TENM2: variants seen among roughly 807,000 people sequenced by gnomAD.
The protein encoded by TENM2 is teneurin transmembrane protein 2, also known as teneurin-2.
In TENM2, 52 loss-of-function variants were observed where a neutral mutation model predicts 245.2. That is an observed-to-expected ratio of 0.21 (90% CI 0.17 to 0.27). TENM2 has a LOEUF of 0.27. Ranked by LOEUF, TENM2 falls within the 10% of genes least tolerant of loss-of-function variation. The pLI, the probability that TENM2 is intolerant of heterozygous loss-of-function variation, is 1.00. For missense variants in TENM2, 3,046 were observed against 3,666.8 expected (o/e 0.83, Z 4.37); for synonymous variants, 1,363 against 1,438.9 (o/e 0.95, Z 1.19).
At chr5:167,790,361 T>C (rs991075267) in intron 2 of TENM2, among the ~76,000 whole-genome samples, 3 of 152,160 alleles carry the variant, frequency 2.0e-5, no homozygotes, top group Admixed American at 2.0e-4. Context: ...AAAAGGAACA[T>C]GCCCACTGAA....
At chr5:167,060,058 A>G in the TENM2 span, among the ~76,000 whole-genome samples, 1 of 152,158 alleles carries the variant, frequency 6.6e-6, no homozygotes, top group Non-Finnish European at 1.5e-5. Flanking sequence ...TAATTCATAA[A>G]TTAAAAACTT....
intron 3 of TENM2, among the ~76,000 whole-genome samples, chr5:167,903,257 G>C (rs1273047103): frequency 6.6e-6 from 1 of 152,072 alleles, no homozygotes; most frequent in African/African-American, 2.4e-5. Flanking sequence ...ACTGTTATAA[G>C]CATTGTGAGC....
chr5:167,365,994 GAACTT>G (rs1179940094), intron 1 of TENM2, among the ~76,000 whole-genome samples: 1 of 151,318 alleles, frequency 6.6e-6, no homozygotes, highest in Non-Finnish European at 1.5e-5. Context: ...ACAATTGAAT[GAACTT>G]AAAGAAAGAA....
intron 2 of TENM2, among the ~76,000 whole-genome samples, chr5:167,600,619 C>T (rs1017464015): frequency 6.6e-6 from 1 of 152,174 alleles, no homozygotes; most frequent in Non-Finnish European, 1.5e-5. Context: ...ATTATCAAGG[C>T]AGACATAATG....
Position 167,678,691 on chromosome 5 carries a change from A to G in TENM2, c.503-197295A>G, listed in dbSNP as rs189619663. Among the ~76,000 whole-genome samples, 19 of 152,234 alleles carry G rather than the reference A, an allele frequency of 1.2e-4. No homozygotes were observed. In the East Asian group the frequency reaches 2.9e-3, roughly 23 times the overall value. On this transcript the variant is annotated intron_variant, in intron 2 of 28. Transcript: ENST00000518659. ...TGTGGCTGAGTGAAAGTAAAAAAAGAAGAAACCCTTGGTGCCAATCAGGCC... is the reference window on the plus strand; with the variant it reads ...TGTGGCTGAGTGAAAGTAAAAAAAGGAGAAACCCTTGGTGCCAATCAGGCC...
At chr5:167,398,365 C>CTTTCTTCCTTTCTTT (rs1554144597) in intron 2 of TENM2, among the ~76,000 whole-genome samples, 1 of 143,902 alleles carries the variant, frequency 6.9e-6, no homozygotes, top group Admixed American at 7.0e-5. Flanking sequence ...TTCTTTCTTT[C>CTTTCTTCCTTTCTTT]CTTTCTTTCT....
At chr5:167,094,759 T>C in the TENM2 span, among the ~76,000 whole-genome samples, 5 of 152,318 alleles carry the variant, frequency 3.3e-5, no homozygotes, top group South Asian at 1.0e-3. Context: ...GCTGGGAAAG[T>C]CTTTGCAACT....
chr5:167,104,744 G>C, the TENM2 span, among the ~76,000 whole-genome samples: 776 of 152,188 alleles, frequency 5.1e-3, 8 homozygotes, highest in African/African-American at 0.017. Flanking sequence ...ATATACCTTG[G>C]CTAGAATCCA....
At chr5:167,370,416 A>G (rs909698078) in intron 1 of TENM2, among the ~76,000 whole-genome samples, 10 of 151,968 alleles carry the variant, frequency 6.6e-5, no homozygotes, top group Admixed American at 2.6e-4. Flanking sequence ...ACGATCAAGA[A>G]AAGACAATTT....
chr5:167,658,773 G>A (rs1432187891), intron 2 of TENM2, among the ~76,000 whole-genome samples: 2 of 152,134 alleles, frequency 1.3e-5, no homozygotes, highest in Non-Finnish European at 2.9e-5. Flanking sequence ...TGTTTGGAAT[G>A]GCCTGTATTC....
intron 2 of TENM2, among the ~76,000 whole-genome samples, chr5:167,642,140 CA>C (rs34089047): frequency 0.051 from 6,595 of 129,982 alleles, 446 homozygotes; most frequent in African/African-American, 0.17. Flanking sequence ...GACGCTGTCT[CA>C]AAAAAAAAAA....
the TENM2 span, among the ~76,000 whole-genome samples, chr5:167,164,468 C>G: frequency 6.6e-6 from 1 of 152,078 alleles, no homozygotes; most frequent in Non-Finnish European, 1.5e-5. Flanking sequence ...CTAAAATTTC[C>G]TATTGTTTTG....
At chr5:167,504,788 G>C (rs1297778789) in intron 2 of TENM2, among the ~76,000 whole-genome samples, 1 of 152,158 alleles carries the variant, frequency 6.6e-6, no homozygotes, top group Non-Finnish European at 1.5e-5. Context: ...AGTATAGAAT[G>C]TCTTCCAAAA....
At chr5:167,472,571 C>T (rs542271427) in intron 2 of TENM2, among the ~76,000 whole-genome samples, 2 of 152,208 alleles carry the variant, frequency 1.3e-5, no homozygotes, top group Non-Finnish European at 1.5e-5. Context: ...AAAGGTCTTG[C>T]CTTGGTTGCC....
intron 12 of TENM2, among the ~76,000 whole-genome samples, chr5:168,141,188 T>C (rs867470346): frequency 6.6e-6 from 1 of 152,186 alleles, no homozygotes; most frequent in Non-Finnish European, 1.5e-5. Context: ...GTTGATCTTT[T>C]TCCCAGGACA....
chr5:167,957,862 T>G (rs1780684682), intron 4 of TENM2, among the ~76,000 whole-genome samples: 1 of 152,234 alleles, frequency 6.6e-6, no homozygotes, highest in Admixed American at 6.5e-5. Context: ...TTTCCATTCT[T>G]TTGCATTTGC....
the TENM2 span, among the ~76,000 whole-genome samples, chr5:167,222,912 T>C: frequency 3.9e-5 from 6 of 152,188 alleles, no homozygotes; most frequent in African/African-American, 1.2e-4. Flanking sequence ...GTCCTTTCTA[T>C]GTGCATGCCA....
At chr5:167,605,865 A>C (rs1197201029) in intron 2 of TENM2, among the ~76,000 whole-genome samples, 1 of 152,186 alleles carries the variant, frequency 6.6e-6, no homozygotes, top group African/African-American at 2.4e-5. Context: ...GCTTTTAAAA[A>C]ATATGCATAT....
At position 168,199,089 on chromosome 5, in the gene TENM2, A is replaced by G; in HGVS notation, c.3137A>G (p.Gln1046Arg). The change falls in exon 16 of 29, where the codon CAG (glutamine) becomes CGG (arginine). Residue 1046 changes from glutamine to arginine, a missense_variant. By Grantham distance (43) the Gln-to-Arg change is conservative. Transcript: ENST00000518659. ...ACCTTCTTTAGTGCTGCCCCTGGGC[A>G]GAATCCCATCGTGCCTGAGACCCAG... is the stretch of plus-strand genomic sequence containing the variant. 2.5e-6 allele frequency: 4 copies of G among 1,613,282 alleles called. No individual in the cohort carries two copies. Among genetic ancestry groups the G allele is most frequent in the Non-Finnish European group, 3.4e-6 (4 of 1,179,330 alleles).
Sources: allele counts gnomAD v4.1 joint callset (sites outside exome capture counted in the v4.1 genomes callset), GRCh38; gene constraint gnomAD v4.1.1; transcripts MANE v1.5; gene names NCBI Gene and HGNC (gene_info 2026-07-23, HGNC 2026-07-21).